Variants in ADRA1A observed in about 807,000 individuals in gnomAD.
ADRA1A encodes adrenoceptor alpha 1A.
A neutral mutation model predicts 29.6 loss-of-function variants in ADRA1A; 31 were observed. The observed-to-expected ratio is 1.05, with a 90% confidence interval of 0.79 to 1.41. ADRA1A has a LOEUF of 1.41. Ranked by LOEUF, ADRA1A falls within the 40% of genes most tolerant of loss-of-function variation. The pLI is 0.00. For synonymous variants in ADRA1A, 311 were observed against 254.3 expected, an observed-to-expected ratio of 1.22 and a Z score of -2.12; for missense variants, 619 against 601.1, an observed-to-expected ratio of 1.03 and a Z score of -0.31.
At chr8:26,809,282 G>A (rs1809212085) in intron 2 of ADRA1A, among the ~76,000 whole-genome samples, 1 of 152,024 alleles carries the variant, frequency 6.6e-6, no homozygotes, top group Admixed American at 6.6e-5. Context: ...TTCTTCCTCT[G>A]TCTCTATGTG....
intron 2 of ADRA1A, among the ~76,000 whole-genome samples, chr8:26,853,350 T>C (rs554816185): frequency 2.0e-5 from 3 of 152,126 alleles, no homozygotes; most frequent in Non-Finnish European, 4.4e-5. Context: ...AGTTCAAAAG[T>C]AGTTTGGGAA....
At chr8:26,850,345 CAAAG>C (rs1193697763) in intron 2 of ADRA1A, among the ~76,000 whole-genome samples, 1 of 152,042 alleles carries the variant, frequency 6.6e-6, no homozygotes, top group African/African-American at 2.4e-5. Context: ...TGCCAAGAAA[CAAAG>C]AAGCAACAAG....
chr8:26,846,616 C>T (rs1389526198), intron 2 of ADRA1A, among the ~76,000 whole-genome samples: 1 of 152,100 alleles, frequency 6.6e-6, no homozygotes, highest in East Asian at 1.9e-4. Flanking sequence ...TAAAAACATA[C>T]AAAAACTTAG....
chr8:26,822,688 G>T (rs192586381), intron 2 of ADRA1A, among the ~76,000 whole-genome samples: 375 of 152,290 alleles, frequency 2.5e-3, no homozygotes, highest in Non-Finnish European at 4.4e-3. Context: ...TTCTCACATT[G>T]CTACAAAGGA....
chr8:26,794,226 C>A (rs1018753575), intron 2 of ADRA1A, among the ~76,000 whole-genome samples: 1 of 152,158 alleles, frequency 6.6e-6, no homozygotes, highest in South Asian at 2.1e-4. Context: ...CCTGAGGTGG[C>A]TCTTTTTGTA....
intron 2 of ADRA1A, among the ~76,000 whole-genome samples, chr8:26,807,701 T>C (rs1809096931): frequency 1.3e-5 from 2 of 152,142 alleles, no homozygotes; most frequent in Non-Finnish European, 2.9e-5. Context: ...TTGGTGGGAA[T>C]GTAGCATGAT....
intron 2 of ADRA1A, among the ~76,000 whole-genome samples, chr8:26,827,176 C>A (rs1387115009): frequency 6.6e-6 from 1 of 152,136 alleles, no homozygotes; most frequent in East Asian, 1.9e-4. Flanking sequence ...TATGACAATA[C>A]AACAATGATT....
At chr8:26,857,932 G>A (rs79347712) in intron 2 of ADRA1A, among the ~76,000 whole-genome samples, 8,272 of 152,182 alleles carry the variant, frequency 0.054, 316 homozygotes, top group South Asian at 0.16. Context: ...ATTAGGGCAG[G>A]GATTTATTTG....
intron 2 of ADRA1A, among the ~76,000 whole-genome samples, chr8:26,750,275 C>T (rs1804863206): frequency 6.6e-6 from 1 of 152,112 alleles, no homozygotes; most frequent in African/African-American, 2.4e-5. Context: ...GATTTCCGCT[C>T]ACTGCAGCCT....
At chr8:26,847,688 G>A (rs1246417763) in intron 2 of ADRA1A, among the ~76,000 whole-genome samples, 1 of 152,212 alleles carries the variant, frequency 6.6e-6, no homozygotes, top group East Asian at 1.9e-4. Flanking sequence ...CAGCATTCCA[G>A]TATAATGACA....
At chr8:26,813,675 C>A (rs1357393640) in intron 2 of ADRA1A, among the ~76,000 whole-genome samples, 1 of 152,096 alleles carries the variant, frequency 6.6e-6, no homozygotes, top group Non-Finnish European at 1.5e-5. Flanking sequence ...TCAGTTCTGA[C>A]AAGGTAACAA....
At chr8:26,764,821 G>A (rs982724315), downstream of ADRA1A, among the ~76,000 whole-genome samples, 6 of 152,154 alleles carry the variant, frequency 3.9e-5, no homozygotes, top group Admixed American at 2.0e-4. Context: ...TACAGGATCC[G>A]GCTTTTGAAG....
intron 2 of ADRA1A, among the ~76,000 whole-genome samples, chr8:26,824,361 C>G: frequency 6.6e-6 from 1 of 152,002 alleles, no homozygotes; most frequent in South Asian, 2.1e-4. Context: ...CCGTGTCAGC[C>G]CTGTTGCATG....
downstream of ADRA1A, chr8:26,768,760 C>T (rs766429143): frequency 2.5e-6 from 1 of 395,328 alleles, no homozygotes; most frequent in Non-Finnish European, 3.4e-6. Context: ...AATCTGTAAT[C>T]TGAAACACTT....
At position 26,787,213 on chromosome 8, in the gene ADRA1A, G is replaced by C. The variant is rs550588715; in HGVS notation, c.884-16547C>G. ...GGCTTTATAGTGAAAATAGTGCACA[G>C]AGCCATAGTACTTGAAGTTCAAAAC... On this transcript the variant is annotated intron_variant, in intron 2 of 2. Coordinates refer to ENST00000380573, the MANE Select transcript of ADRA1A (RefSeq NM_000680.4). The surrounding 1 kb of genome is among the most constrained non-coding windows in gnomAD (Gnocchi z 4.2). Among the ~76,000 whole-genome samples, 3 of 152,260 alleles carry C rather than the reference G, an allele frequency of 2.0e-5. No homozygotes were observed. The East Asian group carries it at 5.8e-4, about 29-fold the overall frequency.
Position 26,823,797 on chromosome 8 carries a change from T to G in ADRA1A, c.883+40290A>C, listed in dbSNP as rs1388725771. On this transcript the variant is annotated intron_variant, in intron 2 of 2. Coordinates refer to ENST00000380573, the MANE Select transcript of ADRA1A (RefSeq NM_000680.4). The surrounding 1 kb of genome is among the most constrained non-coding windows in gnomAD (Gnocchi z 4.2). ...CTCTGATGTGTGTTATAATTATAGT[T>G]GTCAAGGTGAAGAACCCGAGGTACC... Among the ~76,000 whole-genome samples the G allele has an allele frequency of 6.6e-6, 1 of 152,172 alleles. No homozygotes were observed. Among genetic ancestry groups the G allele is most frequent in the Non-Finnish European group, 1.5e-5 (1 of 68,032 alleles).
At chr8:26,789,929 T>C (rs7016091) in intron 2 of ADRA1A, among the ~76,000 whole-genome samples, 14,102 of 152,130 alleles carry the variant, frequency 0.093, 959 homozygotes, top group East Asian at 0.33. Flanking sequence ...AGTAAAAATG[T>C]CTTCATCAAA....
At chr8:26,777,442 C>A (rs955636962) in intron 2 of ADRA1A, among the ~76,000 whole-genome samples, 1 of 152,202 alleles carries the variant, frequency 6.6e-6, no homozygotes, top group East Asian at 1.9e-4. Context: ...ACAAGCTGTA[C>A]CCTGGCTGGG....
chr8:26,785,538 GAC>G (rs1207967655), intron 2 of ADRA1A, among the ~76,000 whole-genome samples: 2 of 139,204 alleles, frequency 1.4e-5, no homozygotes, highest in Non-Finnish European at 3.0e-5. Context: ...TCTTTTAATT[GAC>G]ACATTGATTT....
Sources: allele counts gnomAD v4.1 joint callset (sites outside exome capture counted in the v4.1 genomes callset), GRCh38; gene constraint gnomAD v4.1.1; non-coding constraint Gnocchi (gnomAD v3.1); transcripts MANE v1.5; gene names NCBI Gene and HGNC (gene_info 2026-07-23, HGNC 2026-07-21).